Variants in SPECC1 observed in about 807,000 individuals in gnomAD.
SPECC1 encodes the protein sperm antigen with calponin homology and coiled-coil domains 1.
A neutral mutation model predicts 104.1 loss-of-function variants in SPECC1; 62 were observed. The observed-to-expected ratio is 0.60, with a 90% CI of 0.49 to 0.74. SPECC1 has a LOEUF of 0.74. Ranked by LOEUF, SPECC1 falls within the 30% of genes least tolerant of loss-of-function variation. The pLI, the probability that SPECC1 is intolerant of heterozygous loss-of-function variation, is 0.00. For synonymous variants in SPECC1, 513 were observed against 501.6 expected (o/e 1.02, Z -0.30); for missense variants, 1,306 against 1,310.5 (o/e 1.00, Z 0.05).
At chr17:20,305,940 G>A in intron 13 of SPECC1, 83 bp from the exon 14 acceptor site, 1 of 1,146,406 alleles carries the variant, frequency 8.7e-7, no homozygotes, top group Non-Finnish European at 1.3e-6. Context: ...TAATCTATAT[G>A]GGAATATCAG....
chr17:20,144,580 C>T (rs2031248201), intron 3 of SPECC1, among the ~76,000 whole-genome samples: 1 of 152,092 alleles, frequency 6.6e-6, no homozygotes, highest in Non-Finnish European at 1.5e-5. Flanking sequence ...GGTGTTCAGC[C>T]TATAATTTTC....
intron 3 of SPECC1, among the ~76,000 whole-genome samples, chr17:20,194,501 A>AATTATT (rs199565191): frequency 1.2e-4 from 8 of 68,126 alleles, no homozygotes; most frequent in African/African-American, 4.4e-4. Context: ...AAAGAGAACG[A>AATTATT]ATTTTTTTTT....
Position 20,317,258 on chromosome 17 carries a change from A to ATTTTTTTTTTTTTTTTTTTTT in SPECC1, c.*3193_*3194insTTTTTTTTTTTTTTTTTTTTT, listed in dbSNP as rs1173603591. The ATTTTTTTTTTTTTTTTTTTTT allele has an allele frequency of 1.9e-4, 7 of 37,366 alleles. No individual in the cohort carries two copies. Among genetic ancestry groups the ATTTTTTTTTTTTTTTTTTTTT allele is most frequent in the African/African-American group, 5.0e-4 (2 of 4,040 alleles). 2.3% of individuals were successfully genotyped at this position (37,366 alleles called of 1,614,324 possible). The stretch of plus-strand genomic sequence containing the variant: ...GGCAAGACCTCTGACTCTATAAAAA[A>ATTTTTTTTTTTTTTTTTTTTT]ATTTTTTTTTTTTTTTTTTTTTGAG... On this transcript the variant is annotated 3_prime_UTR_variant, in exon 15 of 15. Coordinates refer to ENST00000395527, the MANE Select transcript of SPECC1 (RefSeq NM_001243439.2).
chr17:20,264,478 T>C, intron 12 of SPECC1, among the ~76,000 whole-genome samples: 1 of 131,668 alleles, frequency 7.6e-6, no homozygotes, highest in Non-Finnish European at 1.6e-5. Context: ...TTTTTTTTTT[T>C]TTTTTTTTTT....
intron 13 of SPECC1, among the ~76,000 whole-genome samples, chr17:20,301,448 G>A (rs2041580367): frequency 6.6e-6 from 1 of 151,546 alleles, no homozygotes; most frequent in Non-Finnish European, 1.5e-5. Context: ...ATCAGAAAGG[G>A]CACCAAGAGA....
intron 4 of SPECC1, among the ~76,000 whole-genome samples, chr17:20,223,918 G>A (rs1002955326): frequency 1.1e-4 from 16 of 152,274 alleles, no homozygotes; most frequent in Admixed American, 3.9e-4. Flanking sequence ...TCTGGGCATG[G>A]AAGAGTCCGG....
At chr17:20,052,926 C>T (rs969973655) in intron 1 of SPECC1, among the ~76,000 whole-genome samples, 5 of 152,306 alleles carry the variant, frequency 3.3e-5, no homozygotes, top group Middle Eastern at 3.4e-3. Context: ...GTTACCTATG[C>T]GTTTGCCCTA....
At chr17:20,011,425 A>G (rs907249992) in intron 1 of SPECC1, among the ~76,000 whole-genome samples, 10 of 152,144 alleles carry the variant, frequency 6.6e-5, no homozygotes, top group Non-Finnish European at 1.3e-4. Flanking sequence ...TGTTGTATAT[A>G]GTATTCTGGT....
At chr17:20,095,826 G>A (rs1439250588) in intron 1 of SPECC1, 1 of 152,918 alleles carries the variant, frequency 6.5e-6, no homozygotes, top group African/African-American at 2.4e-5. Context: ...GACAGGCGGA[G>A]TCAGGGTTGG....
intron 3 of SPECC1, among the ~76,000 whole-genome samples, chr17:20,153,575 A>G (rs1454759228): frequency 1.3e-5 from 2 of 152,196 alleles, no homozygotes; most frequent in Non-Finnish European, 2.9e-5. Context: ...GGAAAATGTT[A>G]AGGTGATGAA....
chr17:20,132,544 T>A (rs1202643006), intron 3 of SPECC1, among the ~76,000 whole-genome samples: 2 of 146,588 alleles, frequency 1.4e-5, no homozygotes, highest in Admixed American at 6.8e-5. Context: ...TTTGTTTTCA[T>A]TTTTTTTTGG....
intron 10 of SPECC1, among the ~76,000 whole-genome samples, chr17:20,255,536 G>C (rs1488247404): frequency 1.3e-5 from 2 of 152,164 alleles, no homozygotes; most frequent in Non-Finnish European, 2.9e-5. Context: ...TGTTCCACTA[G>C]CCTTAAAGTT....
At chr17:20,252,698 CCTT>C (rs2039676043) in intron 9 of SPECC1, among the ~76,000 whole-genome samples, 1 of 152,134 alleles carries the variant, frequency 6.6e-6, no homozygotes, top group Non-Finnish European at 1.5e-5. Flanking sequence ...GACAGGATTT[CCTT>C]CTTTTTTAAG....
chr17:20,217,599 G>C (rs925007798), intron 4 of SPECC1, among the ~76,000 whole-genome samples: 3 of 152,154 alleles, frequency 2.0e-5, no homozygotes, highest in Non-Finnish European at 1.5e-5. Context: ...CAGGCCCTTA[G>C]CCTGAGGACT....
chr17:20,241,688 C>T (rs925586700), intron 7 of SPECC1, among the ~76,000 whole-genome samples: 1 of 141,216 alleles, frequency 7.1e-6, no homozygotes, highest in African/African-American at 3.0e-5. Context: ...ACTTTCTTAT[C>T]CTGTTTGTTT....
chr17:20,090,263 T>C (rs1055378431), intron 1 of SPECC1, among the ~76,000 whole-genome samples: 1 of 152,198 alleles, frequency 6.6e-6, no homozygotes, highest in African/African-American at 2.4e-5. Context: ...TCCCTGAGCC[T>C]GTGGGCAGCA....
intron 3 of SPECC1, among the ~76,000 whole-genome samples, chr17:20,150,205 G>A (rs545669096): frequency 5.3e-4 from 80 of 151,302 alleles, no homozygotes; most frequent in African/African-American, 1.8e-3. Context: ...GGATGGTCTC[G>A]ATCTCCTGAC....
chr17:20,075,795 A>C (rs981854084), intron 1 of SPECC1, among the ~76,000 whole-genome samples: 1 of 151,980 alleles, frequency 6.6e-6, no homozygotes, highest in African/African-American at 2.4e-5. Context: ...AAAAATCAAA[A>C]CACAAGCTAA....
chr17:20,100,268 C>A (rs1033680259), intron 2 of SPECC1, among the ~76,000 whole-genome samples: 2 of 152,120 alleles, frequency 1.3e-5, no homozygotes, highest in African/African-American at 4.8e-5. Context: ...CCTGACCTTT[C>A]CAGCCCTGGT....
Sources: allele counts gnomAD v4.1 joint callset (sites outside exome capture counted in the v4.1 genomes callset), GRCh38; gene constraint gnomAD v4.1.1; transcripts MANE v1.5; gene names NCBI Gene and HGNC (gene_info 2026-07-23, HGNC 2026-07-21).